The following RGS6 variants were observed in gnomAD, a reference collection of about 807,000 sequenced individuals.
The protein encoded by RGS6 is regulator of G-protein signaling 6.
RGS6 carries 30 observed loss-of-function variants against 78.5 expected under a neutral mutation model. The ratio of observed to expected loss-of-function variants is 0.38; its 90% confidence interval spans 0.29 to 0.52. The LOEUF (loss-of-function observed/expected upper bound fraction) is 0.52, where lower values mean the gene tolerates loss of function less well. RGS6 is among the 20% of genes least tolerant of loss of function. The pLI is 0.85. For synonymous variants in RGS6, 206 were observed against 206.0 expected (o/e 1.00, Z 0.00); for missense variants, 495 against 609.7 (o/e 0.81, Z 1.98).
chr14:72,330,636 A>G (rs969111021), intron 2 of RGS6, among the ~76,000 whole-genome samples: 6 of 152,180 alleles, frequency 3.9e-5, no homozygotes, highest in African/African-American at 1.2e-4. Context: ...TGGGATTTAA[A>G]ATCTGTGTTA....
rs764010736 is a variant in RGS6, at chr14:72,536,290, G to C, written c.1368+15G>C. The C allele has an allele frequency of 2.5e-6, 4 of 1,603,060 alleles. No individual in the cohort carries two copies. In the South Asian group the frequency reaches 4.4e-5, roughly 18 times the overall value. ...CCAAGAAGAAGGTATCTTTGGGAAGGGCAGGCTTGCTCTTAGCACTGTTGA... is the reference window on the plus strand; with the variant it reads ...CCAAGAAGAAGGTATCTTTGGGAAGCGCAGGCTTGCTCTTAGCACTGTTGA... On this transcript the variant is annotated intron_variant, in intron 16 of 17. Coordinates refer to ENST00000553525, the MANE Select transcript of RGS6 (RefSeq NM_001204424.2).
At chr14:72,499,934 C>T (rs553513559) in intron 13 of RGS6, among the ~76,000 whole-genome samples, 2 of 152,330 alleles carry the variant, frequency 1.3e-5, no homozygotes, top group Admixed American at 6.5e-5. Context: ...ATCTGGCATA[C>T]AGCGGGCACC....
At chr14:72,439,871 A>G (rs935010145) in intron 3 of RGS6, among the ~76,000 whole-genome samples, 1 of 152,178 alleles carries the variant, frequency 6.6e-6, no homozygotes, top group Non-Finnish European at 1.5e-5. Flanking sequence ...ACCTTCTCCT[A>G]GAAAGACCAC....
At chr14:72,276,349 G>A (rs944320332) in intron 2 of RGS6, among the ~76,000 whole-genome samples, 1 of 152,302 alleles carries the variant, frequency 6.6e-6, no homozygotes, top group Admixed American at 6.5e-5. Context: ...GCCAAAATTG[G>A]TTCTGGGTTG....
intron 12 of RGS6, among the ~76,000 whole-genome samples, chr14:72,481,900 C>G (rs1241147325): frequency 6.6e-6 from 1 of 151,436 alleles, no homozygotes; most frequent in African/African-American, 2.4e-5. Flanking sequence ...GCTCCGCCTC[C>G]CGGGTTCACA....
the RGS6 span, among the ~76,000 whole-genome samples, chr14:72,624,971 G>A: frequency 9.9e-5 from 15 of 152,160 alleles, no homozygotes; most frequent in Non-Finnish European, 7.3e-5. Flanking sequence ...TATAGTTAAG[G>A]TAGTGTCTGC....
At chr14:72,469,866 A>T (rs1490565391) in intron 7 of RGS6, 141 bp from the exon 8 acceptor site, 2 of 642,732 alleles carry the variant, frequency 3.1e-6, no homozygotes, top group Admixed American at 2.5e-5. Flanking sequence ...CAAATGGGAT[A>T]CATGTCCAGG....
chr14:72,083,074 T>G (rs141422531), intron 2 of RGS6, among the ~76,000 whole-genome samples: 3 of 152,310 alleles, frequency 2.0e-5, no homozygotes, highest in Non-Finnish European at 2.9e-5. Context: ...CCATTTGCCT[T>G]TTGTGTTTCT....
At chr14:72,063,904 T>C (rs1323634146) in intron 2 of RGS6, among the ~76,000 whole-genome samples, 1 of 151,968 alleles carries the variant, frequency 6.6e-6, no homozygotes, top group Non-Finnish European at 1.5e-5. Context: ...GGAGTGTAAG[T>C]TGGCCAAGAA....
chr14:72,081,880 A>T (rs371869194), intron 2 of RGS6, among the ~76,000 whole-genome samples: 128 of 152,242 alleles, frequency 8.4e-4, no homozygotes, highest in African/African-American at 2.7e-3. Context: ...TTTCCTAAAA[A>T]ATGTAGAAAG....
At chr14:72,389,510 C>G (rs2089340510) in intron 3 of RGS6, among the ~76,000 whole-genome samples, 2 of 152,070 alleles carry the variant, frequency 1.3e-5, no homozygotes, top group Admixed American at 1.3e-4. Context: ...TACATTATTC[C>G]CCAGTGACAC....
At chr14:72,422,186 C>T (rs1050779247) in intron 3 of RGS6, among the ~76,000 whole-genome samples, 20 of 152,154 alleles carry the variant, frequency 1.3e-4, no homozygotes, top group African/African-American at 4.3e-4. Flanking sequence ...TCCCCAGCCA[C>T]GTGGAACTGT....
chr14:72,623,866 G>A, the RGS6 span, among the ~76,000 whole-genome samples: 1 of 152,144 alleles, frequency 6.6e-6, no homozygotes, highest in Non-Finnish European at 1.5e-5. Context: ...AGGAGTCCTG[G>A]GAGAAATAAG....
chr14:72,220,203 T>A (rs183531201), intron 2 of RGS6, among the ~76,000 whole-genome samples: 38 of 152,276 alleles, frequency 2.5e-4, no homozygotes, highest in Admixed American at 1.2e-3. Context: ...ACAATGAGAA[T>A]TACAGAACAC....
In RGS6 at chr14:72,482,056, C is replaced by T. The variant is rs184851974; in HGVS notation, c.854+3727C>T. Among the ~76,000 whole-genome samples, 10 of 152,168 alleles carry T rather than the reference C, an allele frequency of 6.6e-5. No homozygotes were observed. The East Asian group carries it at 1.2e-3, about 18-fold the overall frequency. ...CGATCTCCTGACGTCGTGATCCGCC[C>T]GCCTCGGCCTCCCAAAGTGCTGGGA... On this transcript the variant is annotated intron_variant, in intron 12 of 17. Coordinates refer to ENST00000553525, the MANE Select transcript of RGS6 (RefSeq NM_001204424.2).
At chr14:72,326,405 G>A (rs905068091) in intron 2 of RGS6, among the ~76,000 whole-genome samples, 1 of 152,180 alleles carries the variant, frequency 6.6e-6, no homozygotes. Flanking sequence ...ATGATGAAAT[G>A]TAATTCCCAG....
intron 2 of RGS6, among the ~76,000 whole-genome samples, chr14:72,012,060 C>T (rs1475321279): frequency 1.3e-5 from 2 of 151,830 alleles, no homozygotes; most frequent in Admixed American, 1.3e-4. Flanking sequence ...GGAACACAAC[C>T]AAAAAGATAT....
intron 3 of RGS6, among the ~76,000 whole-genome samples, chr14:72,436,656 A>G (rs771009506): frequency 6.6e-5 from 10 of 152,330 alleles, no homozygotes; most frequent in Non-Finnish European, 1.2e-4. Flanking sequence ...TCCTCTTAAC[A>G]TAAATGTATT....
At chr14:72,455,571 A>G (rs1367030586) in intron 4 of RGS6, among the ~76,000 whole-genome samples, 1 of 152,104 alleles carries the variant, frequency 6.6e-6, no homozygotes, top group Admixed American at 6.5e-5. Context: ...TCTGAGTGCC[A>G]GAAAAGCAGA....
Sources: allele counts gnomAD v4.1 joint callset (sites outside exome capture counted in the v4.1 genomes callset), GRCh38; gene constraint gnomAD v4.1.1; transcripts MANE v1.5; gene names NCBI Gene and HGNC (gene_info 2026-07-23, HGNC 2026-07-21).